The following NAV2 variants were observed in gnomAD, a reference collection of about 807,000 sequenced individuals.
NAV2 encodes neuron navigator 2.
NAV2 carries 54 observed loss-of-function variants against 223.2 expected under a neutral mutation model. The observed-to-expected ratio is 0.24, with a 90% CI of 0.19 to 0.30. NAV2 has a LOEUF of 0.30. Ranked by LOEUF, NAV2 falls within the 10% of genes least tolerant of loss-of-function variation. The pLI is 1.00. For synonymous variants in NAV2, 1,279 were observed against 1,239.3 expected (o/e 1.03, Z -0.67); for missense variants, 2,806 against 3,147.5 (o/e 0.89, Z 2.60).
intron 1 of NAV2, among the ~76,000 whole-genome samples, chr11:19,529,569 G>C (rs1323251208): frequency 6.6e-6 from 1 of 151,994 alleles, no homozygotes; most frequent in Non-Finnish European, 1.5e-5. Flanking sequence ...CCTTGTTTAT[G>C]TCTTTATGTC....
intron 13 of NAV2, 33 bp downstream of exon 13, chr11:20,044,305 T>C: frequency 6.4e-7 from 1 of 1,566,854 alleles, no homozygotes; most frequent in Non-Finnish European, 8.7e-7. Context: ...GCCCTACAGT[T>C]GACATTTTGA....
At chr11:19,773,510 C>A (rs1458102554) in intron 1 of NAV2, among the ~76,000 whole-genome samples, 1 of 152,166 alleles carries the variant, frequency 6.6e-6, no homozygotes, top group African/African-American at 2.4e-5. Context: ...TGGAAGGCAC[C>A]AGACCACACT....
chr11:20,000,228 C>T (rs760242371), intron 11 of NAV2, among the ~76,000 whole-genome samples: 4 of 152,206 alleles, frequency 2.6e-5, no homozygotes, highest in Non-Finnish European at 4.4e-5. Flanking sequence ...GACTAACCAC[C>T]GTGTAACAAC....
chr11:19,457,668 G>A (rs1222019436), intron 1 of NAV2, among the ~76,000 whole-genome samples: 1 of 152,192 alleles, frequency 6.6e-6, no homozygotes, highest in African/African-American at 2.4e-5. Flanking sequence ...GGGAGTGGGA[G>A]AGAGGAGAAC....
At chr11:19,543,761 T>G (rs1012881251) in intron 1 of NAV2, among the ~76,000 whole-genome samples, 3 of 152,210 alleles carry the variant, frequency 2.0e-5, no homozygotes, top group Non-Finnish European at 4.4e-5. Flanking sequence ...CTCTTCCTTG[T>G]CCTCTCTTGT....
At chr11:19,861,205 T>G (rs1019552991) in intron 3 of NAV2, among the ~76,000 whole-genome samples, 6 of 152,180 alleles carry the variant, frequency 3.9e-5, no homozygotes, top group Non-Finnish European at 7.3e-5. Context: ...CCAATGTCAG[T>G]CCCTTCTGTC....
intron 4 of NAV2, among the ~76,000 whole-genome samples, chr11:19,874,968 C>A (rs1169979754): frequency 6.6e-6 from 1 of 152,146 alleles, no homozygotes; most frequent in Non-Finnish European, 1.5e-5. Flanking sequence ...ACCAGCCTGG[C>A]CAATGTGGTG....
intron 3 of NAV2, among the ~76,000 whole-genome samples, chr11:19,843,542 G>A (rs1319733869): frequency 2.0e-5 from 3 of 152,016 alleles, no homozygotes; most frequent in African/African-American, 7.3e-5. Context: ...TGCATGTCCT[G>A]CACATAATCT....
intron 1 of NAV2, among the ~76,000 whole-genome samples, chr11:19,793,373 C>A (rs58661639): frequency 0.089 from 13,574 of 152,156 alleles, 842 homozygotes; most frequent in African/African-American, 0.17. Context: ...TATGTGTATA[C>A]TTGTCTTAAC....
At chr11:19,833,769 G>A (rs540401297) in intron 2 of NAV2, among the ~76,000 whole-genome samples, 1 of 152,270 alleles carries the variant, frequency 6.6e-6, no homozygotes, top group African/African-American at 2.4e-5. Context: ...CTGGGGAAGG[G>A]TTTGCTTCTA....
At chr11:19,988,235 T>C (rs1438082207) in intron 11 of NAV2, among the ~76,000 whole-genome samples, 1 of 152,206 alleles carries the variant, frequency 6.6e-6, no homozygotes, top group East Asian at 1.9e-4. Flanking sequence ...TAGATGCTCC[T>C]CTCGAATGTC....
rs182907400 is a variant in NAV2 at position 19,375,012 on chromosome 11, C to G, written c.75+23985C>G. Among the ~76,000 whole-genome samples the G allele has an allele frequency of 3.2e-3, 491 of 152,306 alleles. 1 individual carries two copies. Among genetic ancestry groups the G allele is most frequent in the African/African-American group, 0.011 (470 of 41,554 alleles). ...AACAAGATGTTCCCACTTGGCTCAC[C>G]CAGCTTCCCAGTCAAGACATGGACT... On this transcript the variant is annotated intron_variant, in intron 1 of 37. Coordinates refer to the NAV2 transcript ENST00000360655.
At chr11:19,585,866 G>T (rs1208934731) in intron 1 of NAV2, among the ~76,000 whole-genome samples, 1 of 152,160 alleles carries the variant, frequency 6.6e-6, no homozygotes, top group African/African-American at 2.4e-5. Context: ...TCTTGGGGTT[G>T]TTCTTCTCGA....
intron 1 of NAV2, among the ~76,000 whole-genome samples, chr11:19,556,230 T>G (rs1185823189): frequency 1.3e-5 from 2 of 152,266 alleles, no homozygotes; most frequent in Non-Finnish European, 2.9e-5. Context: ...AGTGACAGGT[T>G]CAAGCCATTG....
intron 1 of NAV2, among the ~76,000 whole-genome samples, chr11:19,615,632 T>G (rs1028873323): frequency 6.6e-6 from 1 of 152,118 alleles, no homozygotes; most frequent in Non-Finnish European, 1.5e-5. Flanking sequence ...TGAAATGCAT[T>G]TTTAGTAATA....
intron 1 of NAV2, chr11:19,402,112 C>T (rs779245154): frequency 6.6e-6 from 1 of 152,088 alleles, no homozygotes; most frequent in Non-Finnish European, 1.5e-5. Flanking sequence ...GGGTAGTGGC[C>T]CACCCAGGGT....
Position 19,718,420 on chromosome 11 carries a change from TA to T in NAV2, c.267+4464del, listed in dbSNP as rs2050483158. On this transcript the variant is annotated intron_variant, in intron 1 of 37. Coordinates refer to ENST00000349880, the MANE Select transcript of NAV2 (RefSeq NM_145117.5). ...GTGTTCAAGTTGCACCTAGTTTTTT[TA>T]AAAAAGTAATTAGAAGTGATTGAAC... 1.2e-4 allele frequency among the ~76,000 whole-genome samples: 19 copies of T among 152,362 alleles called. No homozygotes were observed. In the South Asian group the frequency reaches 3.7e-3, roughly 30 times the overall value.
chr11:19,790,236 G>A (rs2057424874), intron 1 of NAV2, among the ~76,000 whole-genome samples: 1 of 152,194 alleles, frequency 6.6e-6, no homozygotes, highest in African/African-American at 2.4e-5. Context: ...CTGGAAGGAG[G>A]AAAGCCCAAT....
At chr11:19,624,018 T>G (rs1192477261) in intron 1 of NAV2, among the ~76,000 whole-genome samples, 1 of 152,168 alleles carries the variant, frequency 6.6e-6, no homozygotes, top group Non-Finnish European at 1.5e-5. Context: ...TCTGTTGGAA[T>G]TTGCTGGAGG....
Sources: allele counts gnomAD v4.1 joint callset (sites outside exome capture counted in the v4.1 genomes callset), GRCh38; gene constraint gnomAD v4.1.1; transcripts MANE v1.5; gene names NCBI Gene and HGNC (gene_info 2026-07-23, HGNC 2026-07-21).